The following PEX5L variants were observed in gnomAD, a reference collection of about 807,000 sequenced individuals.
The protein encoded by PEX5L is PEX5-related protein.
Under a neutral mutation model 84.0 loss-of-function variants are expected in PEX5L, and 30 were observed. The ratio of observed to expected loss-of-function variants is 0.36; its 90% CI spans 0.27 to 0.48. The LOEUF (loss-of-function observed/expected upper bound fraction) is 0.48. Ranked by LOEUF, PEX5L falls within the 20% of genes least tolerant of loss-of-function variation. The probability of loss-of-function intolerance (pLI) is 0.99; values close to 1 mark genes in which losing one functional copy is unlikely to be tolerated. For missense variants in PEX5L, 533 were observed against 754.6 expected (o/e 0.71, Z 3.44); for synonymous variants, 270 against 283.1 (o/e 0.95, Z 0.46).
chr3:179,946,699 T>G (rs1171449444), intron 2 of PEX5L, among the ~76,000 whole-genome samples: 1 of 152,178 alleles, frequency 6.6e-6, no homozygotes, highest in Non-Finnish European at 1.5e-5. Context: ...TAGGAAGGCA[T>G]CAGTATTTGG....
chr3:179,819,787 T>C, intron 9 of PEX5L, 73 bp downstream of exon 9: 4 of 1,269,050 alleles, frequency 3.2e-6, no homozygotes, highest in Non-Finnish European at 4.6e-6. Context: ...GAATAGCTAT[T>C]GACTAATCTA....
chr3:179,829,943 A>AT (rs11352022), intron 8 of PEX5L, among the ~76,000 whole-genome samples: 2,147 of 83,758 alleles, frequency 0.026, 56 homozygotes, highest in African/African-American at 0.049. Flanking sequence ...GGCCTGGCTA[A>AT]TTTTTTTTTT....
chr3:179,816,026 G>T (rs1403492198), intron 9 of PEX5L, 22 bp from the exon 10 acceptor site: 4 of 1,609,062 alleles, frequency 2.5e-6, no homozygotes, highest in Non-Finnish European at 3.4e-6. Flanking sequence ...AAAAAGGCCA[G>T]TGCATGAGCC....
chr3:179,880,865 T>G (rs1174144546), intron 4 of PEX5L: 1 of 152,230 alleles, frequency 6.6e-6, no homozygotes, highest in African/African-American at 2.4e-5. Flanking sequence ...TTTTATAACC[T>G]TAGCTTCTTC....
At chr3:179,813,976 ATT>A (rs71182520) in intron 10 of PEX5L, among the ~76,000 whole-genome samples, 39 of 132,120 alleles carry the variant, frequency 3.0e-4, no homozygotes, top group African/African-American at 4.8e-4. Context: ...GCGCCCGGCC[ATT>A]TTTTTTTTTT....
intron 2 of PEX5L, among the ~76,000 whole-genome samples, chr3:179,905,628 G>A (rs796193681): frequency 4.6e-5 from 7 of 151,820 alleles, no homozygotes; most frequent in African/African-American, 1.7e-4. Context: ...CAGAGTCACT[G>A]ATTGGCTCCA....
intron 8 of PEX5L, among the ~76,000 whole-genome samples, chr3:179,840,161 T>TGTGTGTGTG (rs1553850431): frequency 1.6e-5 from 2 of 123,734 alleles, no homozygotes; most frequent in Non-Finnish European, 1.6e-5. Context: ...AAGTTGTTTT[T>TGTGTGTGTG]TGTGTGTGTG....
intron 3 of PEX5L, chr3:179,895,769 A>G (rs1759062392): frequency 6.6e-6 from 1 of 152,184 alleles, no homozygotes; most frequent in Non-Finnish European, 1.5e-5. Context: ...TGTTGAGTGA[A>G]AAGTTATGAA....
In PEX5L at chr3:180,022,836, T is replaced by C. The variant is rs931304686; in HGVS notation, c.21+13743A>G. On this transcript the variant is annotated intron_variant, in intron 1 of 14. Transcript: ENST00000467460. ...ACTGTTCTGTACTCCACTAAGCAAG[T>C]GCACTCCATCCTACACAAAGGGGCT... is the stretch of plus-strand genomic sequence containing the variant. 2.0e-5 allele frequency among the ~76,000 whole-genome samples: 3 copies of C among 152,286 alleles called. No homozygotes were observed. The South Asian group carries it at 6.2e-4, about 32-fold the overall frequency.
At chr3:179,974,711 T>C (rs1276831799) in intron 1 of PEX5L, among the ~76,000 whole-genome samples, 1 of 152,224 alleles carries the variant, frequency 6.6e-6, no homozygotes, top group Non-Finnish European at 1.5e-5. Flanking sequence ...TTTTTGATAC[T>C]ATTGCATTAG....
chr3:180,033,775 G>A (rs1198463835), intron 1 of PEX5L, among the ~76,000 whole-genome samples: 1 of 152,150 alleles, frequency 6.6e-6, no homozygotes, highest in Non-Finnish European at 1.5e-5. Context: ...TTACTGGGGT[G>A]ACTAACTCCC....
intron 2 of PEX5L, among the ~76,000 whole-genome samples, chr3:179,913,397 T>A (rs1765866618): frequency 1.3e-5 from 2 of 152,192 alleles, no homozygotes; most frequent in African/African-American, 4.8e-5. Context: ...ATAATAAACT[T>A]CTTTAAAGAT....
intron 2 of PEX5L, among the ~76,000 whole-genome samples, chr3:179,924,953 T>G (rs534514865): frequency 6.6e-6 from 1 of 152,330 alleles, no homozygotes; most frequent in African/African-American, 2.4e-5. Flanking sequence ...TATTTATTTA[T>G]CACTTTCATC....
chr3:179,816,384 T>C lies in PEX5L; in HGVS notation c.940-380A>G, dbSNP rs1485582893. Among the ~76,000 whole-genome samples the C allele has an allele frequency of 2.6e-5, 4 of 152,170 alleles. No individual in the cohort carries two copies. In the South Asian group the frequency reaches 6.2e-4, roughly 24 times the overall value. ...CTGGATAAAGAAAATGTGGCACATA[T>C]ACACCATGGAATACTATACAGCCAT... On this transcript the variant is annotated intron_variant, in intron 9 of 14. Transcript: ENST00000467460.
At chr3:179,995,055 T>A (rs1787742163) in intron 1 of PEX5L, among the ~76,000 whole-genome samples, 1 of 148,822 alleles carries the variant, frequency 6.7e-6, no homozygotes, top group Admixed American at 6.8e-5. Context: ...TATATATATA[T>A]GTAGTTATAT....
intron 8 of PEX5L, among the ~76,000 whole-genome samples, chr3:179,854,041 G>A (rs925886602): frequency 2.1e-5 from 3 of 140,618 alleles, no homozygotes; most frequent in Non-Finnish European, 4.7e-5. Context: ...TCAAACTCCT[G>A]GGCTCAGGCA....
At chr3:179,831,433 A>T (rs1732902296) in intron 8 of PEX5L, among the ~76,000 whole-genome samples, 1 of 152,178 alleles carries the variant, frequency 6.6e-6, no homozygotes, top group South Asian at 2.1e-4. Context: ...GAAGGGTAGC[A>T]TCTTCTCAAA....
intron 2 of PEX5L, chr3:179,900,855 C>G: frequency 1.5e-6 from 1 of 651,560 alleles, no homozygotes; most frequent in Non-Finnish European, 2.7e-6. Flanking sequence ...GCGGTACAGT[C>G]TGAGGACAGA....
At chr3:179,964,664 A>G (rs2110144709) in intron 2 of PEX5L, among the ~76,000 whole-genome samples, 1 of 152,360 alleles carries the variant, frequency 6.6e-6, no homozygotes, top group Non-Finnish European at 1.5e-5. Flanking sequence ...TTTTTAAAAG[A>G]AGACATACAC....
Sources: allele counts gnomAD v4.1 joint callset (sites outside exome capture counted in the v4.1 genomes callset), GRCh38; gene constraint gnomAD v4.1.1; transcripts MANE v1.5; gene names NCBI Gene and HGNC (gene_info 2026-07-23, HGNC 2026-07-21).